The following SYT9 variants were observed in gnomAD, a reference collection of about 807,000 sequenced individuals.
The protein encoded by SYT9 is synaptotagmin-9.
In SYT9, 22 loss-of-function variants were observed where a neutral mutation model predicts 48.4. The ratio of observed to expected loss-of-function variants is 0.45; its 90% CI spans 0.32 to 0.65. The LOEUF (loss-of-function observed/expected upper bound fraction) is 0.65. Ranked by LOEUF, SYT9 falls within the 30% of genes least tolerant of loss-of-function variation. SYT9 has a pLI of 0.03. For synonymous variants in SYT9, 265 were observed against 245.0 expected, an observed-to-expected ratio of 1.08 and a Z score of -0.76; for missense variants, 577 against 622.0, an observed-to-expected ratio of 0.93 and a Z score of 0.77.
At chr11:7,269,833 G>T (rs11041293) in intron 1 of SYT9, among the ~76,000 whole-genome samples, 13,413 of 152,156 alleles carry the variant, frequency 0.088, 779 homozygotes, top group East Asian at 0.23. Flanking sequence ...TTTGGAAAAG[G>T]GGAAAAACAG....
At chr11:7,447,069 GT>G (rs1847947905) in intron 6 of SYT9, among the ~76,000 whole-genome samples, 1 of 152,234 alleles carries the variant, frequency 6.6e-6, no homozygotes, top group Non-Finnish European at 1.5e-5. Flanking sequence ...AGGTCACTCT[GT>G]CTGATGCACC....
At chr11:7,396,240 T>G (rs951625020) in intron 3 of SYT9, among the ~76,000 whole-genome samples, 3 of 152,124 alleles carry the variant, frequency 2.0e-5, no homozygotes, top group Non-Finnish European at 4.4e-5. Context: ...CTCCTACTCC[T>G]GGTCTCCTGC....
At chr11:7,386,100 G>A (rs997718035) in intron 3 of SYT9, among the ~76,000 whole-genome samples, 3 of 151,888 alleles carry the variant, frequency 2.0e-5, no homozygotes, top group Non-Finnish European at 2.9e-5. Flanking sequence ...TGTATTACAA[G>A]GTATTTCATA....
intron 1 of SYT9, among the ~76,000 whole-genome samples, chr11:7,265,652 C>T (rs1848165507): frequency 7.0e-6 from 1 of 143,842 alleles, no homozygotes; most frequent in South Asian, 2.2e-4. Context: ...AATGTGTTTA[C>T]TATCTATCAT....
chr11:7,305,404 G>T (rs1219239270), intron 2 of SYT9, among the ~76,000 whole-genome samples: 1 of 152,152 alleles, frequency 6.6e-6, no homozygotes, highest in African/African-American at 2.4e-5. Context: ...TATGGGGTCT[G>T]TCTGGAAATA....
intron 1 of SYT9, among the ~76,000 whole-genome samples, chr11:7,285,147 A>G (rs971913619): frequency 2.0e-5 from 3 of 152,182 alleles, no homozygotes; most frequent in East Asian, 1.9e-4. Context: ...ATGAGGCAGG[A>G]TTCTTTCTCC....
chr11:7,307,478 A>T (rs953432892), intron 2 of SYT9, among the ~76,000 whole-genome samples: 2 of 152,236 alleles, frequency 1.3e-5, no homozygotes, highest in African/African-American at 4.8e-5. Context: ...GGATTAAATT[A>T]TCAGAAACTA....
At chr11:7,260,166 A>G (rs1054632489) in intron 1 of SYT9, among the ~76,000 whole-genome samples, 4 of 152,184 alleles carry the variant, frequency 2.6e-5, no homozygotes, top group Non-Finnish European at 4.4e-5. Flanking sequence ...TCAAAGATAC[A>G]TTAGACATGC....
intron 1 of SYT9, among the ~76,000 whole-genome samples, chr11:7,287,735 G>T (rs1442260370): frequency 6.6e-6 from 1 of 151,996 alleles, no homozygotes; most frequent in Admixed American, 6.5e-5. Flanking sequence ...CCTTTTTTAT[G>T]ACATGATAAA....
intron 3 of SYT9, among the ~76,000 whole-genome samples, chr11:7,339,234 C>T (rs570514527): frequency 6.6e-6 from 1 of 152,188 alleles, no homozygotes; most frequent in African/African-American, 2.4e-5. Flanking sequence ...TATTTTGAGG[C>T]TATAGGTCTC....
intron 1 of SYT9, among the ~76,000 whole-genome samples, chr11:7,276,655 G>C (rs1397886794): frequency 6.6e-6 from 1 of 152,062 alleles, no homozygotes; most frequent in Non-Finnish European, 1.5e-5. Context: ...CCCCCTCCTG[G>C]TGGATTCTCC....
intron 6 of SYT9, among the ~76,000 whole-genome samples, chr11:7,448,139 C>T (rs1847970859): frequency 6.6e-6 from 1 of 152,194 alleles, no homozygotes; most frequent in South Asian, 2.1e-4. Flanking sequence ...CCATGGGGCT[C>T]GGGGTCCCGT....
chr11:7,382,128 T>C (rs1269295843), intron 3 of SYT9, among the ~76,000 whole-genome samples: 6 of 152,222 alleles, frequency 3.9e-5, no homozygotes, highest in Admixed American at 2.0e-4. Flanking sequence ...GAGGCTCCCT[T>C]CTATGCTGTG....
At chr11:7,283,980 A>G (rs1441262273) in intron 1 of SYT9, among the ~76,000 whole-genome samples, 1 of 152,194 alleles carries the variant, frequency 6.6e-6, no homozygotes, top group African/African-American at 2.4e-5. Flanking sequence ...TGTTCCTTGC[A>G]TCTAAAGTCT....
chr11:7,239,013 A>T, intron 1 of SYT9: 2 of 448,554 alleles, frequency 4.5e-6, no homozygotes, highest in Non-Finnish European at 9.0e-6. Flanking sequence ...TCAGCATTGG[A>T]GCTGTCTGCT....
chr11:7,424,209 C>T (rs1431727747), intron 6 of SYT9, among the ~76,000 whole-genome samples: 4 of 152,148 alleles, frequency 2.6e-5, no homozygotes, highest in Admixed American at 6.5e-5. Context: ...TTCAAAAATC[C>T]GTTTCTCTCG....
At chr11:7,248,477 C>T (rs12364369), upstream of SYT9, among the ~76,000 whole-genome samples, 5,738 of 152,148 alleles carry the variant, frequency 0.038, 162 homozygotes, top group East Asian at 0.12. Context: ...AGATTTAAGT[C>T]CTTAATCCAT....
chr11:7,393,463 T>C (rs186241060), intron 3 of SYT9, among the ~76,000 whole-genome samples: 6 of 152,244 alleles, frequency 3.9e-5, no homozygotes, highest in African/African-American at 9.6e-5. Context: ...TACTTGATCA[T>C]AGTGAATTAA....
chr11:7,259,886 G>A (rs764227252), intron 1 of SYT9, among the ~76,000 whole-genome samples: 2 of 152,040 alleles, frequency 1.3e-5, no homozygotes, highest in Non-Finnish European at 2.9e-5. Context: ...AATTTCAGGG[G>A]TGGTTCAATA....
Sources: allele counts gnomAD v4.1 joint callset (sites outside exome capture counted in the v4.1 genomes callset), GRCh38; gene constraint gnomAD v4.1.1; transcripts MANE v1.5; gene names NCBI Gene and HGNC (gene_info 2026-07-23, HGNC 2026-07-21).